INTS6L: variants seen among roughly 807,000 people sequenced by gnomAD.
INTS6L encodes integrator complex subunit 6-like.
A neutral mutation model predicts 64.7 loss-of-function variants in INTS6L; 18 were observed. The observed-to-expected ratio is 0.28, with a 90% CI of 0.19 to 0.41. INTS6L has a LOEUF of 0.41. Among genes scored for constraint, INTS6L ranks in the 10% least tolerant of loss-of-function variants. INTS6L has a pLI of 1.00. For missense variants in INTS6L, 533 were observed against 661.0 expected (o/e 0.81, Z 2.12); for synonymous variants, 227 against 235.9 (o/e 0.96, Z 0.34).
chrX:135,549,907 C>A, intron 7 of INTS6L, 102 bp downstream of exon 7: 1 of 939,586 alleles, frequency 1.1e-6, no homozygotes, highest in Non-Finnish European at 1.5e-6. Flanking sequence ...TGCCATGCCA[C>A]AGGCAAGTAA....
intron 2 of INTS6L, among the ~76,000 whole-genome samples, chrX:135,521,532 CG>C (rs1556496954): frequency 9.0e-6 from 1 of 110,686 alleles, no homozygotes; most frequent in Non-Finnish European, 1.9e-5. Context: ...GGAGCAGCCC[CG>C]GGGAGAAACC....
chrX:135,566,346 A>G (rs1602982935), intron 9 of INTS6L, among the ~76,000 whole-genome samples: 1 of 112,308 alleles, frequency 8.9e-6, no homozygotes, highest in East Asian at 2.8e-4. Flanking sequence ...ATTAATACCT[A>G]CATTATCTTA....
chrX:135,556,022 A>T (rs2148637324), intron 8 of INTS6L, 146 bp from the exon 9 acceptor site: 2 of 559,359 alleles, frequency 3.6e-6, no homozygotes, highest in East Asian at 8.5e-5. Context: ...ATATATTTTG[A>T]CATAACCATA....
At chrX:135,560,793 G>A (rs781922784) in intron 9 of INTS6L, among the ~76,000 whole-genome samples, 15 of 109,163 alleles carry the variant, frequency 1.4e-4, no homozygotes, top group Admixed American at 2.9e-4. Context: ...GCAATGAGCC[G>A]AGATTGTGCC....
intron 2 of INTS6L, among the ~76,000 whole-genome samples, chrX:135,525,885 C>T (rs1016198238): frequency 9.8e-5 from 11 of 112,168 alleles, no homozygotes; most frequent in African/African-American, 2.9e-4. Context: ...ACTTTTACAA[C>T]GAATTGCCTC....
chrX:135,566,467 A>G (rs782657306), intron 9 of INTS6L, among the ~76,000 whole-genome samples: 15 of 112,040 alleles, frequency 1.3e-4, no homozygotes, highest in Non-Finnish European at 2.4e-4. Context: ...CACAGACTAC[A>G]TAAGTCCAGA....
At chrX:135,522,986 G>T (rs2085628223) in intron 2 of INTS6L, among the ~76,000 whole-genome samples, 2 of 112,191 alleles carry the variant, frequency 1.8e-5, no homozygotes, top group Non-Finnish European at 3.8e-5. Flanking sequence ...TGCTAATACA[G>T]ATAAGAACCG....
intron 3 of INTS6L, among the ~76,000 whole-genome samples, chrX:135,546,138 A>T (rs1200849165): frequency 8.9e-6 from 1 of 112,021 alleles, no homozygotes; most frequent in Non-Finnish European, 1.9e-5. Flanking sequence ...TGAGAGAGGT[A>T]TTTGAATGTT....
intron 4 of INTS6L, 33 bp from the exon 5 acceptor site, chrX:135,546,669 A>G (rs782375940): frequency 8.5e-7 from 1 of 1,181,823 alleles, no homozygotes; most frequent in African/African-American, 1.8e-5. Flanking sequence ...ATGGTTTGTT[A>G]TGATGAACCT....
intron 2 of INTS6L, 51 bp from the exon 3 acceptor site, chrX:135,545,372 A>G (rs2086327048): frequency 8.4e-7 from 1 of 1,184,714 alleles, no homozygotes; most frequent in Admixed American, 2.4e-5. Flanking sequence ...TGTACTTTAT[A>G]TATTGTTCAT....
At chrX:135,535,705 A>G (rs1189757297) in intron 2 of INTS6L, among the ~76,000 whole-genome samples, 4 of 112,289 alleles carry the variant, frequency 3.6e-5, no homozygotes, top group Non-Finnish European at 7.5e-5. Context: ...TGGAGAGCAG[A>G]TGGAAAAAGG....
At chrX:135,541,792 T>C (rs1197215947) in intron 2 of INTS6L, among the ~76,000 whole-genome samples, 2 of 112,383 alleles carry the variant, frequency 1.8e-5, no homozygotes, top group Non-Finnish European at 3.8e-5. Flanking sequence ...AGTAAAGTAA[T>C]TTAAAAGAAA....
chrX:135,578,041 C>T lies in INTS6L; in HGVS notation c.2119+614C>T, dbSNP rs112639659. On this transcript the variant is annotated intron_variant, in intron 15 of 17. Transcript: ENST00000639893. Reference sequence around the variant, plus strand: ...GTGCTCAGACACCATAAGCTTATAGCTTTCTTTTCCCTCTAATAGCAACTC... The same window carrying T: ...GTGCTCAGACACCATAAGCTTATAGTTTTCTTTTCCCTCTAATAGCAACTC... Among the ~76,000 whole-genome samples, 345 of 111,973 alleles carry T rather than the reference C, an allele frequency of 3.1e-3. 2 individuals carry two copies. Among genetic ancestry groups the T allele is most frequent in the African/African-American group, 0.011 (333 of 30,821 alleles).
intron 8 of INTS6L, among the ~76,000 whole-genome samples, chrX:135,555,405 T>C (rs1421131256): frequency 3.6e-5 from 4 of 112,198 alleles, no homozygotes; most frequent in Non-Finnish European, 7.5e-5. Context: ...GTTTACATAA[T>C]CCTTTAAGTA....
intron 9 of INTS6L, among the ~76,000 whole-genome samples, chrX:135,563,631 G>GTATA (rs1168090208): frequency 0.16 from 1,253 of 7,866 alleles, 28 homozygotes; most frequent in Admixed American, 0.39. Flanking sequence ...GTGTGTGTGT[G>GTATA]TGTATATATA....
intron 14 of INTS6L, among the ~76,000 whole-genome samples, chrX:135,576,327 CA>C (rs34207940): frequency 3.2e-4 from 22 of 69,370 alleles, no homozygotes; most frequent in African/African-American, 9.1e-4. Context: ...GACTCCATCT[CA>C]AAAAAAAAAA....
intron 9 of INTS6L, among the ~76,000 whole-genome samples, chrX:135,564,068 A>G (rs1422944268): frequency 9.0e-6 from 1 of 110,808 alleles, no homozygotes; most frequent in African/African-American, 3.3e-5. Flanking sequence ...ATCTTTTCTT[A>G]TAGTCTCTTA....
At chrX:135,567,949 C>T (rs1029116430) in intron 9 of INTS6L, among the ~76,000 whole-genome samples, 5 of 111,321 alleles carry the variant, frequency 4.5e-5, no homozygotes, top group Non-Finnish European at 9.4e-5. Flanking sequence ...CAAAGAATAG[C>T]CCTATTTGTA....
chrX:135,547,411 G>C, intron 6 of INTS6L, 146 bp downstream of exon 6: 1 of 636,937 alleles, frequency 1.6e-6, no homozygotes, highest in Non-Finnish European at 2.3e-6. Context: ...CACATTCACT[G>C]CCTATGTATA....
Sources: allele counts gnomAD v4.1 joint callset (sites outside exome capture counted in the v4.1 genomes callset), GRCh38; gene constraint gnomAD v4.1.1; transcripts MANE v1.5; gene names NCBI Gene and HGNC (gene_info 2026-07-23, HGNC 2026-07-21).